UNC5B: variants seen among roughly 807,000 people sequenced by gnomAD.
The protein encoded by UNC5B is netrin receptor UNC5B.
In UNC5B, 56 loss-of-function variants were observed where a neutral mutation model predicts 103.7. The ratio of observed to expected loss-of-function variants is 0.54; its 90% CI spans 0.44 to 0.67. UNC5B has a LOEUF of 0.67. Among genes scored for constraint, UNC5B ranks in the 30% least tolerant of loss-of-function variants. The pLI is 0.00. For synonymous variants in UNC5B, 577 were observed against 542.0 expected (o/e 1.06, Z -0.90); for missense variants, 1,194 against 1,284.5 (o/e 0.93, Z 1.08).
At position 71,291,810 on chromosome 10, in the gene UNC5B, TC is replaced by T; in HGVS notation, c.1677del (p.Gly560AlafsTer42). ...TFGCLGGRLSIPGTGVSLLVP... is the reference protein window; with the variant it reads ...TFGCLGGRLSXPGTGVSLLVP... ...GGCTGCCTGGGTGGGAGGCTCAGCA[TC>T]CCCGGCACAGGTGAGCCCCTGCCCT... On this transcript the variant is annotated frameshift_variant, in exon 10 of 17. Transcript: ENST00000335350. LOFTEE classifies it high-confidence loss of function. The T allele has an allele frequency of 6.3e-7, 1 of 1,597,144 alleles. No individual in the cohort carries two copies.
intron 1 of UNC5B, among the ~76,000 whole-genome samples, chr10:71,252,047 A>C (rs1392081115): frequency 7.2e-6 from 1 of 139,580 alleles, no homozygotes; most frequent in Non-Finnish European, 1.7e-5. Flanking sequence ...AATAAGTGTC[A>C]CATATATATA....
chr10:71,261,472 G>C (rs747727843), intron 1 of UNC5B, among the ~76,000 whole-genome samples: 7 of 152,176 alleles, frequency 4.6e-5, no homozygotes, highest in Non-Finnish European at 7.3e-5. Context: ...GCATGCAAAA[G>C]ACCTCCCAAA....
chr10:71,227,681 T>C (rs1843597832), intron 1 of UNC5B, among the ~76,000 whole-genome samples: 1 of 141,062 alleles, frequency 7.1e-6, no homozygotes, highest in Non-Finnish European at 1.5e-5. Flanking sequence ...TATATACATA[T>C]ATATACACAT....
intron 1 of UNC5B, among the ~76,000 whole-genome samples, chr10:71,231,013 G>C (rs191843272): frequency 6.6e-6 from 1 of 152,240 alleles, no homozygotes; most frequent in Admixed American, 6.5e-5. Flanking sequence ...AACCCTGTCA[G>C]AGCAGAGATG....
chr10:71,263,443 C>T (rs1048979117), intron 1 of UNC5B, among the ~76,000 whole-genome samples: 1 of 152,170 alleles, frequency 6.6e-6, no homozygotes, highest in Non-Finnish European at 1.5e-5. Flanking sequence ...GGGGAGGGGG[C>T]CAGAGAGCTC....
At chr10:71,253,188 C>CA (rs34720012) in intron 1 of UNC5B, among the ~76,000 whole-genome samples, 99,962 of 152,006 alleles carry the variant, frequency 0.66, 33,078 homozygotes, top group Admixed American at 0.74. Context: ...ACTCCAACCT[C>CA]GGGGGAACCC....
At chr10:71,220,238 G>A (rs1187893118) in intron 1 of UNC5B, among the ~76,000 whole-genome samples, 1 of 152,170 alleles carries the variant, frequency 6.6e-6, no homozygotes, top group Non-Finnish European at 1.5e-5. Context: ...AAGGTGGAAC[G>A]AGCCCAGAAA....
chr10:71,244,509 C>T (rs1843978465), intron 1 of UNC5B, among the ~76,000 whole-genome samples: 1 of 152,246 alleles, frequency 6.6e-6, no homozygotes, highest in African/African-American at 2.4e-5. Context: ...ATCCTTCTTA[C>T]AGAGGGCACA....
At chr10:71,266,532 G>A (rs1404733613) in intron 1 of UNC5B, among the ~76,000 whole-genome samples, 3 of 152,106 alleles carry the variant, frequency 2.0e-5, no homozygotes, top group Non-Finnish European at 2.9e-5. Context: ...GGCGTCCCTC[G>A]GGGCTGGAGA....
chr10:71,283,241 C>G (rs1368921711), intron 2 of UNC5B, among the ~76,000 whole-genome samples: 1 of 152,262 alleles, frequency 6.6e-6, no homozygotes, highest in Admixed American at 6.5e-5. Context: ...CACCTACCCT[C>G]TCTGAGCCTC....
chr10:71,212,945 A>G lies in UNC5B; in HGVS notation c.-41A>G. On this transcript the variant is annotated 5_prime_UTR_variant, in exon 1 of 17. Coordinates refer to ENST00000335350, the MANE Select transcript of UNC5B (RefSeq NM_170744.5). The stretch of plus-strand genomic sequence containing the variant: ...CGGCGGCGAGACTGGGGCCAGGGAG[A>G]CAGCCCTGGGGGAGAGGCGCCCGAA... The G allele has an allele frequency of 7.9e-7, 1 of 1,267,556 alleles. No homozygotes were observed. The allele number at this position is 1,267,556 out of a possible 1,614,324, so 78.5% of individuals were successfully genotyped here.
At chr10:71,284,397 C>T (rs1021041965) in intron 2 of UNC5B, among the ~76,000 whole-genome samples, 1 of 152,192 alleles carries the variant, frequency 6.6e-6, no homozygotes, top group African/African-American at 2.4e-5. Flanking sequence ...GGGGATGACC[C>T]TACCCGCCTG....
chr10:71,228,605 G>A (rs1843618772), intron 1 of UNC5B, among the ~76,000 whole-genome samples: 1 of 152,170 alleles, frequency 6.6e-6, no homozygotes, highest in South Asian at 2.1e-4. Context: ...AATGACCCTC[G>A]AACAGACTTA....
At chr10:71,286,999 A>C in intron 5 of UNC5B, 130 bp downstream of exon 5, 28 of 1,291,334 alleles carry the variant, frequency 2.2e-5, no homozygotes, top group South Asian at 2.9e-5. Flanking sequence ...GACCAAGATC[A>C]CAACACAGCA....
rs1455962045 is a variant in UNC5B, at chr10:71,297,929, C to T, written c.2511C>T (p.Asp837=). Residue 837 remains aspartate, a synonymous_variant, in exon 16 of 17, where the codon GAC becomes GAT. Coordinates refer to ENST00000335350, the MANE Select transcript of UNC5B (RefSeq NM_170744.5). ...TGCAGACACCTGCTGGCTCCCTGGA[C>T]ACTCTCTGCTCTGCCCCTGGCAGCA... ...TLAETPAGSL[D]TLCSAPGSTV... is the part of the protein sequence containing the mutation. 15 of 1,613,302 alleles carry T rather than the reference C, an allele frequency of 9.3e-6. No homozygotes were observed. Among genetic ancestry groups the T allele is most frequent in the Non-Finnish European group, 1.3e-5 (15 of 1,179,640 alleles).
chr10:71,267,036 G>A (rs1035138295), intron 1 of UNC5B, among the ~76,000 whole-genome samples: 7 of 152,090 alleles, frequency 4.6e-5, no homozygotes, highest in Non-Finnish European at 1.0e-4. Context: ...CTAGAGCTTG[G>A]TACTATTCAA....
chr10:71,248,731 T>G (rs1844100415), intron 1 of UNC5B, among the ~76,000 whole-genome samples: 1 of 152,090 alleles, frequency 6.6e-6, no homozygotes, highest in African/African-American at 2.4e-5. Context: ...TACACAGACC[T>G]GTGTACATGC....
At position 71,299,061 on chromosome 10, in the gene UNC5B, G is replaced by A. The variant is rs1468124041; in HGVS notation, c.2673-51G>A. ...TTGTGCCCCTTCACCTCCAGGCTCC[G>A]GGGAGGGGCTAAGTGCTTGGGAACC... On this transcript the variant is annotated intron_variant, in intron 16 of 16. Coordinates refer to ENST00000335350, the MANE Select transcript of UNC5B (RefSeq NM_170744.5). 2.0e-5 allele frequency: 32 copies of A among 1,605,664 alleles called. No homozygotes were observed. The East Asian group carries it at 2.9e-4, about 15-fold the overall frequency.
intron 1 of UNC5B, among the ~76,000 whole-genome samples, chr10:71,244,766 G>A (rs1329283128): frequency 6.6e-6 from 1 of 152,234 alleles, no homozygotes; most frequent in Non-Finnish European, 1.5e-5. Flanking sequence ...GCAGGTCCTA[G>A]GGACACCCTG....
Sources: allele counts gnomAD v4.1 joint callset (sites outside exome capture counted in the v4.1 genomes callset), GRCh38; gene constraint gnomAD v4.1.1; transcripts MANE v1.5; gene names NCBI Gene and HGNC (gene_info 2026-07-23, HGNC 2026-07-21).